The following LNX1 variants were observed in gnomAD, a reference collection of about 807,000 sequenced individuals.
LNX1 encodes the protein E3 ubiquitin-protein ligase LNX.
A neutral mutation model predicts 68.4 loss-of-function variants in LNX1; 54 were observed. That is an observed-to-expected ratio of 0.79 (90% CI 0.63 to 0.99). LNX1 has a LOEUF of 0.99. Among genes scored for constraint, LNX1 ranks in the 50% least tolerant of loss-of-function variants. The pLI is 0.00. For missense variants in LNX1, 906 were observed against 926.4 expected, an observed-to-expected ratio of 0.98 and a Z score of 0.29; for synonymous variants, 336 against 350.0, an observed-to-expected ratio of 0.96 and a Z score of 0.45.
intron 6 of LNX1, among the ~76,000 whole-genome samples, chr4:53,486,854 G>A (rs1724338725): frequency 1.3e-5 from 2 of 152,108 alleles, no homozygotes; most frequent in Admixed American, 1.3e-4. Flanking sequence ...TGGAGCACAT[G>A]GCATCTTTCT....
chr4:53,552,477 C>G (rs2109704140), intron 2 of LNX1, among the ~76,000 whole-genome samples: 1 of 152,234 alleles, frequency 6.6e-6, no homozygotes, highest in African/African-American at 2.4e-5. Context: ...CGAAATGCAC[C>G]ACCAGTACTA....
intron 1 of LNX1, among the ~76,000 whole-genome samples, chr4:53,648,529 C>T (rs1397640171): frequency 1.3e-5 from 2 of 152,152 alleles, no homozygotes; most frequent in Non-Finnish European, 2.9e-5. Context: ...AGATGATTTG[C>T]CAATGTTTTC....
chr4:53,580,822 T>C (rs1335010612), intron 1 of LNX1, among the ~76,000 whole-genome samples: 2 of 152,220 alleles, frequency 1.3e-5, no homozygotes, highest in Non-Finnish European at 2.9e-5. Context: ...GGCTCTCTTA[T>C]TTGTTTGTAA....
intron 2 of LNX1, among the ~76,000 whole-genome samples, chr4:53,533,012 A>G (rs1347935508): frequency 6.6e-6 from 1 of 152,212 alleles, no homozygotes; most frequent in Non-Finnish European, 1.5e-5. Flanking sequence ...AACAGCACAG[A>G]CATTACCTCC....
In LNX1 at chr4:53,461,574, C is replaced by G; in HGVS notation, c.1912G>C (p.Asp638His). Residue 638 changes from aspartate (D) to histidine (H), a missense_variant, in exon 10 of 11, where the codon GAT becomes CAT. Coordinates refer to ENST00000263925, the MANE Select transcript of LNX1 (RefSeq NM_001126328.3). The stretch of plus-strand genomic sequence containing the variant: ...GCTGTGTTTCTTCGTAATACAATAT[C>G]TTTACAGTTATACAAGCACCTGAAA... ...ELPRCLYNCK[D>H]IVLRRNTAGS... 1 of 1,611,560 alleles carries G rather than the reference C, an allele frequency of 6.2e-7. No homozygotes were observed. The highest frequency in any genetic ancestry group is 8.5e-7 in the Non-Finnish European group (1 of 1,178,386).
intron 9 of LNX1, among the ~76,000 whole-genome samples, chr4:53,469,033 A>G (rs1414534131): frequency 6.6e-6 from 1 of 152,244 alleles, no homozygotes; most frequent in Non-Finnish European, 1.5e-5. Context: ...TCAACAGAAT[A>G]TACATTCTTT....
intron 2 of LNX1, chr4:53,616,439 C>CT (rs1733683081): frequency 6.6e-6 from 1 of 152,200 alleles, no homozygotes; most frequent in South Asian, 2.1e-4. Context: ...TCTCATGTGA[C>CT]ACCTGCTGCT....
At chr4:53,474,443 A>C (rs1220491120) in intron 9 of LNX1, among the ~76,000 whole-genome samples, 1 of 152,222 alleles carries the variant, frequency 6.6e-6, no homozygotes, top group African/African-American at 2.4e-5. Context: ...ATTGCCACAG[A>C]GACTGCGTGG....
At chr4:53,475,318 T>G (rs1013871721) in intron 9 of LNX1, among the ~76,000 whole-genome samples, 5 of 151,256 alleles carry the variant, frequency 3.3e-5, no homozygotes, top group African/African-American at 1.2e-4. Context: ...AGTCATACTC[T>G]CTACTTTCAC....
In LNX1 at chr4:53,471,655, C is replaced by A. The variant is rs550974062; in HGVS notation, c.1892+5098G>T. Among the ~76,000 whole-genome samples, 309 of 151,550 alleles carry A rather than the reference C, an allele frequency of 2.0e-3. 1 individual carries two copies. The highest frequency in any genetic ancestry group is 2.7e-3 in the Non-Finnish European group (182 of 67,710). ...CAAACAAGTTTACAAGAAAAAAAAACCCCATCAAAAAGTGGGGAAAGGATA... is the reference window on the plus strand; with the variant it reads ...CAAACAAGTTTACAAGAAAAAAAAAACCCATCAAAAAGTGGGGAAAGGATA... On this transcript the variant is annotated intron_variant, in intron 9 of 10. Transcript: ENST00000263925.
chr4:53,479,154 G>A (rs942051494), intron 7 of LNX1, among the ~76,000 whole-genome samples: 2 of 152,198 alleles, frequency 1.3e-5, no homozygotes, highest in Non-Finnish European at 2.9e-5. Context: ...GCCTCCCAAA[G>A]TGCTGGGATT....
At chr4:53,494,111 C>A (rs1724888961) in intron 6 of LNX1, among the ~76,000 whole-genome samples, 1 of 152,172 alleles carries the variant, frequency 6.6e-6, no homozygotes, top group Admixed American at 6.5e-5. Context: ...ATTGTAGCTC[C>A]CATCATTCCC....
At chr4:53,522,101 G>A (rs2109579366) in intron 2 of LNX1, among the ~76,000 whole-genome samples, 1 of 152,130 alleles carries the variant, frequency 6.6e-6, no homozygotes, top group African/African-American at 2.4e-5. Context: ...ACTCTGCTCA[G>A]TTCTTTTTGT....
chr4:53,629,352 A>G lies in LNX1; in HGVS notation c.-215+22816T>C, dbSNP rs528779861. Among the ~76,000 whole-genome samples, 6 of 152,170 alleles carry G rather than the reference A, an allele frequency of 3.9e-5. No individual in the cohort carries two copies. In the East Asian group the frequency reaches 9.7e-4, roughly 25 times the overall value. On this transcript the variant is annotated intron_variant, in intron 1 of 2. Coordinates refer to the LNX1 transcript ENST00000507168. ...TAATGGCTGCAAGGCCCCAACCACC[A>G]AGAAACAGACCAGGTTTAGGCTGAC... is the stretch of plus-strand genomic sequence containing the variant.
intron 9 of LNX1, among the ~76,000 whole-genome samples, chr4:53,466,813 G>C (rs1157449704): frequency 6.6e-6 from 1 of 152,238 alleles, no homozygotes; most frequent in Non-Finnish European, 1.5e-5. Flanking sequence ...GGCTTGAGTA[G>C]GTAAAGAAAG....
chr4:53,489,453 T>C (rs1472959523), intron 6 of LNX1, among the ~76,000 whole-genome samples: 1 of 152,202 alleles, frequency 6.6e-6, no homozygotes, highest in Non-Finnish European at 1.5e-5. Flanking sequence ...ATTTAGTTCT[T>C]GAGTCCCTGA....
At chr4:53,530,562 T>C (rs1403803103) in intron 2 of LNX1, among the ~76,000 whole-genome samples, 1 of 152,238 alleles carries the variant, frequency 6.6e-6, no homozygotes, top group East Asian at 1.9e-4. Flanking sequence ...GTATAAACTT[T>C]TTAGAAAGCA....
At chr4:53,641,896 C>A (rs1335821489) in intron 1 of LNX1, among the ~76,000 whole-genome samples, 1 of 152,078 alleles carries the variant, frequency 6.6e-6, no homozygotes, top group Non-Finnish European at 1.5e-5. Flanking sequence ...ATTGTGTGGA[C>A]ACAGCACAGT....
In LNX1 at chr4:53,460,950, C is replaced by A; in HGVS notation, c.2144G>T (p.Arg715Ile). ...LARLLKELKG[R>I]ITLTIVSWPG... is the part of the protein sequence containing the mutation. ...CCAAGAAACAATAGTTAGAGTAATTCTTCCTTTAAGTTCTTTCAGCAGTCT... is the reference window on the plus strand; with the variant it reads ...CCAAGAAACAATAGTTAGAGTAATTATTCCTTTAAGTTCTTTCAGCAGTCT... The change falls in exon 11 of 11, where the codon AGA becomes ATA. Residue 715 changes from arginine (R) to isoleucine (I), a missense_variant. Physicochemically the swap from Arg to Ile is moderately conservative, Grantham distance 97. Transcript: ENST00000263925. 3.7e-6 allele frequency: 6 copies of A among 1,609,978 alleles called. No homozygotes were observed. Among genetic ancestry groups the A allele is most frequent in the Non-Finnish European group, 4.2e-6 (5 of 1,178,232 alleles).
Sources: allele counts gnomAD v4.1 joint callset (sites outside exome capture counted in the v4.1 genomes callset), GRCh38; gene constraint gnomAD v4.1.1; transcripts MANE v1.5; gene names NCBI Gene and HGNC (gene_info 2026-07-23, HGNC 2026-07-21).